Variants in WDR20 observed in about 807,000 individuals in gnomAD.
The protein encoded by WDR20 is WD repeat-containing protein 20.
A neutral mutation model predicts 38.7 loss-of-function variants in WDR20; 3 were observed. The ratio of observed to expected loss-of-function variants is 0.08; its 90% CI spans 0.04 to 0.20. The LOEUF is 0.20. Ranked by LOEUF, WDR20 falls within the 10% of genes least tolerant of loss-of-function variation. The pLI, the probability that WDR20 is intolerant of heterozygous loss-of-function variation, is 1.00. For synonymous variants in WDR20, 298 were observed against 285.6 expected (o/e 1.04, Z -0.44); for missense variants, 559 against 727.7 (o/e 0.77, Z 2.67).
chr14:102,153,331 G>T (rs1265873426), intron 1 of WDR20, among the ~76,000 whole-genome samples: 1 of 143,484 alleles, frequency 7.0e-6, no homozygotes, highest in Non-Finnish European at 1.5e-5. Flanking sequence ...TTTTGAGATG[G>T]AGTCTTGCTC....
At chr14:102,195,246 T>TA (rs2059218874) in intron 2 of WDR20, 126 bp downstream of exon 2, 12 of 988,102 alleles carry the variant, frequency 1.2e-5, no homozygotes, top group Non-Finnish European at 1.6e-5. Flanking sequence ...CCCTCCTACC[T>TA]AGTATGCCCA....
intron 1 of WDR20, among the ~76,000 whole-genome samples, chr14:102,149,165 A>G (rs183616435): frequency 5.9e-5 from 9 of 152,220 alleles, no homozygotes; most frequent in Admixed American, 3.3e-4. Context: ...CTCTCAAAAC[A>G]AAACAAACAA....
intron 2 of WDR20, chr14:102,197,746 T>A (rs1402071445): frequency 1.4e-6 from 1 of 699,566 alleles, no homozygotes; most frequent in South Asian, 1.5e-5. Flanking sequence ...ATCAAATGTG[T>A]TTTTTTAGAA....
intron 2 of WDR20, among the ~76,000 whole-genome samples, chr14:102,198,679 T>C (rs2059815253): frequency 6.6e-6 from 1 of 152,200 alleles, no homozygotes; most frequent in Admixed American, 6.5e-5. Context: ...ATTTGTTTCT[T>C]AGCCTGAAGT....
chr14:102,140,163 G>A lies in WDR20; in HGVS notation c.240G>A (p.Gly80=), dbSNP rs763579639. 1 of 1,612,388 alleles carries A rather than the reference G, an allele frequency of 6.2e-7. No individual in the cohort carries two copies. Among genetic ancestry groups the A allele is most frequent in the Non-Finnish European group, 8.5e-7 (1 of 1,179,978 alleles). ...AGCTGTACTTCTATATCTACAAGGG[G>A]GTCCGCAAGGTACCGACCCGGGCGT... ...GRELYFYIYK[G]VRKAADLSKP... Residue 80 remains glycine (G), a synonymous_variant, in exon 1 of 3, where the codon GGG becomes GGA. Coordinates refer to ENST00000342702, the MANE Select transcript of WDR20 (RefSeq NM_144574.4).
intron 1 of WDR20, among the ~76,000 whole-genome samples, chr14:102,143,765 G>A (rs940890680): frequency 6.6e-6 from 1 of 151,760 alleles, no homozygotes; most frequent in South Asian, 2.1e-4. Context: ...GGCTGGTCTC[G>A]AACTCCTGAC....
At chr14:102,224,261 C>CG (rs757868148), downstream of WDR20, among the ~76,000 whole-genome samples, 3 of 151,854 alleles carry the variant, frequency 2.0e-5, no homozygotes, top group Non-Finnish European at 2.9e-5. Context: ...AGGATGGTCT[C>CG]GATCTCCTGA....
chr14:102,217,505 TA>T (rs777400925), downstream of WDR20, among the ~76,000 whole-genome samples: 5 of 152,158 alleles, frequency 3.3e-5, no homozygotes, highest in Non-Finnish European at 5.9e-5. Flanking sequence ...GTGGACAGGT[TA>T]AAGCTGGCAG....
chr14:102,153,565 A>G (rs898743968), intron 1 of WDR20, among the ~76,000 whole-genome samples: 1 of 151,890 alleles, frequency 6.6e-6, no homozygotes, highest in East Asian at 1.9e-4. Context: ...CTCAGCCTCC[A>G]AAAGTGCTGG....
At position 102,210,123 on chromosome 14, in the gene WDR20, A is replaced by G. The variant is rs1045007961; in HGVS notation, c.*243A>G. ...AAGTCAGTCATCCTCCTGGGAGTAT[A>G]TAGAGTCCCAAGGTTAGCGCTCCTG... On this transcript the variant is annotated 3_prime_UTR_variant, in exon 3 of 3. Coordinates refer to ENST00000342702, the MANE Select transcript of WDR20 (RefSeq NM_144574.4). 8 of 1,266,434 alleles carry G rather than the reference A, an allele frequency of 6.3e-6. No individual in the cohort carries two copies. In the Admixed American group the frequency reaches 3.1e-4, roughly 49 times the overall value. 78.4% of individuals were successfully genotyped at this position (1,266,434 alleles called of 1,614,324 possible).
rs1224997415 is a variant in WDR20 at position 102,195,114 on chromosome 14, T to C, written c.426T>C (p.Asn142=). The C allele has an allele frequency of 6.2e-7, 1 of 1,614,002 alleles. No homozygotes were observed. Among genetic ancestry groups the C allele is most frequent in the Non-Finnish European group, 8.5e-7 (1 of 1,180,016 alleles). ...AAAAAGAAACTAGCAAACTTTTTAATGAGGAAGTAAGTAGCACCCTGTCTT... is the reference window on the plus strand; with the variant it reads ...AAAAAGAAACTAGCAAACTTTTTAACGAGGAAGTAAGTAGCACCCTGTCTT... ...PIKKETSKLF[N]EERLIDKSRV... is the part of the protein sequence containing the mutation. The change falls in exon 2 of 3, where the codon AAT becomes AAC. Residue 142 remains asparagine (N), a synonymous_variant. Coordinates refer to ENST00000342702, the MANE Select transcript of WDR20 (RefSeq NM_144574.4).
At position 102,195,025 on chromosome 14, in the gene WDR20, G is replaced by T; in HGVS notation, c.337G>T (p.Ala113Ser). ...TGACTTCAACCACCTAACAGCCACAGCAGAAAGTGTCTCTCTCCTAGTGGG... is the reference window on the plus strand; with the variant it reads ...TGACTTCAACCACCTAACAGCCACATCAGAAAGTGTCTCTCTCCTAGTGGG... ...CHDFNHLTAT[A>S]ESVSLLVGFS... The change falls in exon 2 of 3, where the codon GCA becomes TCA. Residue 113 changes from alanine to serine, a missense_variant. Transcript: ENST00000342702. 6.2e-7 allele frequency: 1 copy of T among 1,614,228 alleles called. No homozygotes were observed. Among genetic ancestry groups the T allele is most frequent in the Non-Finnish European group, 8.5e-7 (1 of 1,180,040 alleles).
intron 1 of WDR20, among the ~76,000 whole-genome samples, chr14:102,145,560 A>G (rs1044475128): frequency 3.9e-5 from 6 of 152,178 alleles, no homozygotes; most frequent in Non-Finnish European, 7.4e-5. Context: ...CCTGGGCAAC[A>G]CAGTGAAACC....
chr14:102,162,573 TTCTC>T (rs148467796), intron 1 of WDR20, among the ~76,000 whole-genome samples: 4,809 of 151,448 alleles, frequency 0.032, 115 homozygotes, highest in Non-Finnish European at 0.044. Context: ...TTCTTTCTTT[TTCTC>T]TCTCTCTCTT....
Position 102,209,433 on chromosome 14 carries a change from C to A in WDR20, c.1263C>A (p.Pro421=), listed in dbSNP as rs757594643. The A allele has an allele frequency of 5.6e-6, 9 of 1,614,022 alleles. No homozygotes were observed. The Admixed American group carries it at 6.7e-5, about 12-fold the overall frequency. The change falls in exon 3 of 3, where the codon CCC becomes CCA. Residue 421 remains proline, a synonymous_variant. Transcript: ENST00000342702. The surrounding 1 kb of genome is among the most constrained non-coding windows in gnomAD (Gnocchi z 6.0). Reference sequence around the variant, plus strand: ...GCAATGGGAACAGTGTTACAACACCCGGGAACTCTGTGCCGCCTCCTCTGC... The same window carrying A: ...GCAATGGGAACAGTGTTACAACACCAGGGAACTCTGTGCCGCCTCCTCTGC... ...AGSNGNSVTT[P]GNSVPPPLPR...
At chr14:102,205,520 G>A (rs777878266) in intron 2 of WDR20, among the ~76,000 whole-genome samples, 2 of 152,076 alleles carry the variant, frequency 1.3e-5, no homozygotes, top group Non-Finnish European at 2.9e-5. Flanking sequence ...CACAAAAAGC[G>A]TATCTTGAAA....
chr14:102,202,343 CT>C lies in WDR20; in HGVS notation c.433-6258del, dbSNP rs138588796. Among the ~76,000 whole-genome samples, 553 of 148,320 alleles carry C rather than the reference CT, an allele frequency of 3.7e-3. 8 individuals are homozygous for C. In the East Asian group the frequency reaches 0.047, roughly 13 times the overall value. On this transcript the variant is annotated intron_variant, in intron 2 of 2. Transcript: ENST00000342702. Reference sequence around the variant, plus strand: ...TTGCTTGGATATTCCTTCTGCTTTCCTTGTTTTTGTCCTGTGCCCTGTATGG... The same window carrying C: ...TTGCTTGGATATTCCTTCTGCTTTCCTGTTTTTGTCCTGTGCCCTGTATGG...
At chr14:102,191,195 G>GC (rs2066309278) in intron 1 of WDR20, 1 of 152,160 alleles carries the variant, frequency 6.6e-6, no homozygotes, top group Non-Finnish European at 1.5e-5. Flanking sequence ...CTTGCACTTT[G>GC]CCCAAGGCCA....
chr14:102,200,689 T>A (rs907537356), intron 2 of WDR20, among the ~76,000 whole-genome samples: 3 of 152,192 alleles, frequency 2.0e-5, no homozygotes, highest in African/African-American at 4.8e-5. Context: ...AAGTATGTGT[T>A]AATTGTTGGC....
Sources: gnomAD v4.1 joint callset for allele counts (sites outside exome capture counted in the v4.1 genomes callset) on GRCh38, gnomAD v4.1.1 for gene constraint, Gnocchi (gnomAD v3.1) non-coding constraint, MANE v1.5 for transcripts, NCBI Gene and HGNC (gene_info 2026-07-23, HGNC 2026-07-21) for gene names.